ARHGAP45: variants seen among roughly 807,000 people sequenced by gnomAD.
The protein encoded by ARHGAP45 is rho GTPase-activating protein 45.
ARHGAP45 carries 56 observed loss-of-function variants against 116.1 expected under a neutral mutation model. That is an observed-to-expected ratio of 0.48 (90% confidence interval 0.39 to 0.60). ARHGAP45 has a LOEUF of 0.60. ARHGAP45 is among the 20% of genes least tolerant of loss of function. The pLI, the probability that ARHGAP45 is intolerant of heterozygous loss-of-function variation, is 0.00. For missense variants in ARHGAP45, 1,622 were observed against 1,601.0 expected (o/e 1.01, Z -0.22); for synonymous variants, 866 against 701.7 (o/e 1.23, Z -3.70).
At position 1,068,006 on chromosome 19, in the gene ARHGAP45, G is replaced by T. The variant is rs916952245; in HGVS notation, c.91-408G>T. On this transcript the variant is annotated intron_variant, in intron 1 of 22. Coordinates refer to ENST00000313093, the MANE Select transcript of ARHGAP45 (RefSeq NM_012292.5). This position sits in a 1 kb window ranked among gnomAD's most constrained non-coding sequence, Gnocchi z 7.5. Reference sequence around the variant, plus strand: ...GTCCGGGATGTCTACAAGGCCTGGGGCTGCCCATAGGCTCTGGGGTTCCAT... The same window carrying T: ...GTCCGGGATGTCTACAAGGCCTGGGTCTGCCCATAGGCTCTGGGGTTCCAT... Among the ~76,000 whole-genome samples, 1 of 151,956 alleles carries T rather than the reference G, an allele frequency of 6.6e-6. No homozygotes were observed. The highest frequency in any genetic ancestry group is 1.9e-4 in the East Asian group (1 of 5,166).
chr19:1,081,618 A>G lies in ARHGAP45; in HGVS notation c.2259A>G (p.Gln753=), dbSNP rs10404947. Residue 753 remains glutamine, a synonymous_variant, in exon 18 of 23, where the codon CAA becomes CAG. Coordinates refer to ENST00000313093, the MANE Select transcript of ARHGAP45 (RefSeq NM_012292.5). ...TACAGTGCGGGCACAAGAAGCTGCA[A>G]GGCCGCCTGCAGCTGTTCGGCCAGG... The part of the protein sequence containing the change: ...LAIQCGHKKL[Q]GRLQLFGQDF... The G allele has an allele frequency of 0.8, 1,241,230 of 1,559,454 alleles. 495,175 individuals are homozygous for G. The highest frequency in any genetic ancestry group is 0.86 in the Admixed American group (45,489 of 52,612).
Position 1,081,313 on chromosome 19 carries a change from C to G in ARHGAP45, c.2191-237C>G, listed in dbSNP as rs953968986. The G allele has an allele frequency of 3.3e-5, 21 of 639,776 alleles. No homozygotes were observed. In the Middle Eastern group the frequency reaches 2.1e-3, roughly 65 times the overall value. 39.6% of individuals were successfully genotyped at this position (639,776 alleles called of 1,614,324 possible). On this transcript the variant is annotated intron_variant, in intron 17 of 22. Transcript: ENST00000313093. ...AGTCCTGGGGCTGTGGCCAGAAGACCTGGAGGGCAAAGGCCCTGGAGCTGT... is the reference window on the plus strand; with the variant it reads ...AGTCCTGGGGCTGTGGCCAGAAGACGTGGAGGGCAAAGGCCCTGGAGCTGT...
chr19:1,074,252 G>A lies in ARHGAP45; in HGVS notation c.928+11G>A. The A allele has an allele frequency of 6.2e-7, 1 of 1,612,732 alleles. No homozygotes were observed. On this transcript the variant is annotated intron_variant, in intron 7 of 22. Transcript: ENST00000313093. ...AGCGGACGACGCTGGGTGAGAGCTG[G>A]TGTCCCAGCAGGGTGGGTCTGGAGG...
chr19:1,076,286 C>T lies in ARHGAP45; in HGVS notation c.1185+1407C>T, dbSNP rs554667487. 2.0e-5 allele frequency among the ~76,000 whole-genome samples: 3 copies of T among 152,184 alleles called. No individual in the cohort carries two copies. The South Asian group carries it at 6.2e-4, about 32-fold the overall frequency. ...CTCAGTTCTTAACCTTTGCTTAGTTCTTATCCTTTGCTTACTTTGTACTGG... is the reference window on the plus strand; with the variant it reads ...CTCAGTTCTTAACCTTTGCTTAGTTTTTATCCTTTGCTTACTTTGTACTGG... On this transcript the variant is annotated intron_variant, in intron 10 of 22. Coordinates refer to ENST00000313093, the MANE Select transcript of ARHGAP45 (RefSeq NM_012292.5).
chr19:1,067,122 C>A (rs1157921446), upstream of ARHGAP45: 38 of 1,107,718 alleles, frequency 3.4e-5, no homozygotes, highest in East Asian at 3.2e-4. Flanking sequence ...GCGGGGGGCG[C>A]GGCCCGGGGC....
chr19:1,070,294 G>C (rs1374522807), intron 2 of ARHGAP45, among the ~76,000 whole-genome samples: 3 of 149,500 alleles, frequency 2.0e-5, no homozygotes, highest in African/African-American at 4.9e-5. Context: ...ACCGTGCCCG[G>C]GCTTTTCTTT....
intron 10 of ARHGAP45, 169 bp from the exon 11 acceptor site, chr19:1,077,688 T>C: frequency 6.8e-7 from 1 of 1,473,536 alleles, no homozygotes; most frequent in Non-Finnish European, 9.0e-7. Flanking sequence ...GCCCGGCCAC[T>C]CCTCCTGTTT....
rs2043170869 is a variant in ARHGAP45 at position 1,073,145 on chromosome 19, G to A, written c.422-4G>A. On this transcript the variant is annotated splice_region_variant and splice_polypyrimidine_tract_variant and intron_variant, in intron 2 of 22. Transcript: ENST00000313093. ...CCACTGCTCACTCCGACTCTCCCCA[G>A]CAGACCTCCTTGAGGCCCGCCGCCC... 1.9e-6 allele frequency: 3 copies of A among 1,603,638 alleles called. No homozygotes were observed. Among genetic ancestry groups the A allele is most frequent in the Non-Finnish European group, 1.7e-6 (2 of 1,179,612 alleles).
rs781214049 is a variant in ARHGAP45, at chr19:1,073,559, C to G, written c.619C>G (p.Leu207Val). The change falls in exon 4 of 23, where the codon CTG (leucine) becomes GTG (valine). Residue 207 changes from leucine (L) to valine (V), a missense_variant. Physicochemically the swap from Leu to Val is conservative, Grantham distance 32 (BLOSUM62 1). This residue lies in a region of ARHGAP45 where 279 missense variants were observed against 311.9 expected (regional missense o/e 0.89). Transcript: ENST00000313093. ...DLEKQEFEKA[L>V]ETIAVAFSST... Reference sequence around the variant, plus strand: ...GGAGAAACAGGAGTTCGAGAAGGCCCTGGAGACGATTGCTGTGGCCTTCAG... The same window carrying G: ...GGAGAAACAGGAGTTCGAGAAGGCCGTGGAGACGATTGCTGTGGCCTTCAG... The G allele has an allele frequency of 3.7e-6, 6 of 1,613,886 alleles. No homozygotes were observed. In the Admixed American group the frequency reaches 1.0e-4, roughly 27 times the overall value.
At position 1,076,481 on chromosome 19, in the gene ARHGAP45, GTCTTTT is replaced by G. The variant is rs1200952250; in HGVS notation, c.1186-1374_1186-1369del. On this transcript the variant is annotated intron_variant, in intron 10 of 22. Transcript: ENST00000313093. Reference sequence around the variant, plus strand: ...TAGAAACCTGTGATTGTTGGCAGTAGTCTTTTTTTTTTTTTTTTTTTTTTTTTTTTT... The same window carrying G: ...TAGAAACCTGTGATTGTTGGCAGTAGTTTTTTTTTTTTTTTTTTTTTTTTT... Among the ~76,000 whole-genome samples, 98 of 104,176 alleles carry G rather than the reference GTCTTTT, an allele frequency of 9.4e-4. 4 individuals carry two copies. The highest frequency in any genetic ancestry group is 3.5e-3 in the African/African-American group (89 of 25,348). 68.3% of individuals were successfully genotyped at this position (104,176 alleles called of 152,430 possible). A position where few individuals can be genotyped will look rare whatever the true frequency, so the allele number is the denominator to read the frequency against.
intron 2 of ARHGAP45, among the ~76,000 whole-genome samples, chr19:1,072,362 C>T (rs529649720): frequency 6.6e-6 from 1 of 152,184 alleles, no homozygotes; most frequent in Non-Finnish European, 1.5e-5. Flanking sequence ...GCTTGGCCCT[C>T]TCTGCTTTTT....
chr19:1,086,518 A>G lies in ARHGAP45; in HGVS notation c.*512A>G. 1 of 152,844 alleles carries G rather than the reference A, an allele frequency of 6.5e-6. No individual in the cohort carries two copies. Among genetic ancestry groups the G allele is most frequent in the East Asian group, 1.9e-4 (1 of 5,338 alleles). The allele number at this position is 152,844 out of a possible 1,614,324, so 9.5% of individuals were successfully genotyped here. Reference sequence around the variant, plus strand: ...GGCCCTGGACTCCCTTTTCCAGAACACCAGGTGTGGCCACCTGGGGCTCAG... The same window carrying G: ...GGCCCTGGACTCCCTTTTCCAGAACGCCAGGTGTGGCCACCTGGGGCTCAG... On this transcript the variant is annotated 3_prime_UTR_variant, in exon 23 of 23. Transcript: ENST00000313093.
Position 1,080,292 on chromosome 19 carries a change from G to A in ARHGAP45, c.1741G>A (p.Val581Met), listed in dbSNP as rs1206729769. 6 of 1,612,428 alleles carry A rather than the reference G, an allele frequency of 3.7e-6. No individual in the cohort carries two copies. Among genetic ancestry groups the A allele is most frequent in the African/African-American group, 1.3e-5 (1 of 74,910 alleles). The change falls in exon 14 of 23, where the codon GTG (valine) becomes ATG (methionine). Residue 581 changes from valine to methionine, a missense_variant. Coordinates refer to ENST00000313093, the MANE Select transcript of ARHGAP45 (RefSeq NM_012292.5). ...GCGTGCCCGGAAGAGCAGCTTCAAC[G>A]TGAGTGATGTGGCGCGGCCGGAGGC... is the stretch of plus-strand genomic sequence containing the variant. ...VMRARKSSFN[V>M]SDVARPEAAG...
chr19:1,070,443 G>A (rs1426740626), intron 2 of ARHGAP45, among the ~76,000 whole-genome samples: 1 of 142,086 alleles, frequency 7.0e-6, no homozygotes, highest in African/African-American at 2.7e-5. Context: ...TGGTTCTTCT[G>A]CCTCAGCCTC....
At position 1,073,933 on chromosome 19, in the gene ARHGAP45, G is replaced by C; in HGVS notation, c.724-15G>C. ...CCCGCATGGGGCTGGTCTCACCTGC[G>C]TCTCCGTCCTACAGTCCATGGAAAG... is the stretch of plus-strand genomic sequence containing the variant. On this transcript the variant is annotated splice_polypyrimidine_tract_variant and intron_variant, in intron 5 of 22. Transcript: ENST00000313093. 6.5e-7 allele frequency: 1 copy of C among 1,549,282 alleles called. No homozygotes were observed. The highest frequency in any genetic ancestry group is 8.7e-7 in the Non-Finnish European group (1 of 1,146,982).
At chr19:1,073,348 G>A in intron 3 of ARHGAP45, 56 bp downstream of exon 3, 1 of 1,600,806 alleles carries the variant, frequency 6.2e-7, no homozygotes, top group Non-Finnish European at 8.5e-7. Context: ...GCATCCTGGA[G>A]GAGGGGATGT....
rs918382275 is a variant in ARHGAP45 at position 1,068,537 on chromosome 19, G to A, written c.214G>A (p.Ala72Thr). The change falls in exon 2 of 23, where the codon GCC (alanine) becomes ACC (threonine). Residue 72 changes from alanine (A) to threonine (T), a missense_variant. This residue lies in a region of ARHGAP45 where 279 missense variants were observed against 311.9 expected (regional missense o/e 0.89). Transcript: ENST00000313093. This position sits in a 1 kb window ranked among gnomAD's most constrained non-coding sequence, Gnocchi z 7.5. ...LKRPTSLSRH[A>T]SAAGFPLSGA... ...GCGGCCCACCAGCCTGAGCCGCCAC[G>A]CCAGCGCGGCTGGCTTCCCCCTGTC... 1.1e-5 allele frequency: 18 copies of A among 1,607,610 alleles called. No individual in the cohort carries two copies. The highest frequency in any genetic ancestry group is 6.7e-5 in the African/African-American group (5 of 74,784).
Position 1,074,151 on chromosome 19 carries a change from G to C in ARHGAP45, c.838G>C (p.Gly280Arg), listed in dbSNP as rs747595275. 5.6e-6 allele frequency: 9 copies of C among 1,613,310 alleles called. No homozygotes were observed. The East Asian group carries it at 1.6e-4, about 28-fold the overall frequency. ...EVDVLLQRCE[G>R]GVDAALLYAK... ...GGACGTGCTGCTACAGCGCTGTGAG[G>C]GGGGCGTGGATGCCGCACTGCTGTA... The change falls in exon 7 of 23, where the codon GGG (glycine) becomes CGG (arginine). Residue 280 changes from glycine to arginine, a missense_variant. Coordinates refer to ENST00000313093, the MANE Select transcript of ARHGAP45 (RefSeq NM_012292.5).
rs750552870 is a variant in ARHGAP45, at chr19:1,074,828, G to A, written c.1134G>A (p.Glu378=). The A allele has an allele frequency of 6.2e-6, 9 of 1,462,708 alleles. No homozygotes were observed. The African/African-American group carries it at 1.1e-4, about 19-fold the overall frequency. 90.6% of individuals were successfully genotyped at this position (1,462,708 alleles called of 1,614,324 possible). ...TGACCCTGCGGCGGCTTGAACACGA[G>A]AAGCGCAGGAAGGAGATCAAGGAGG... The part of the protein sequence containing the change: ...QPLTLRRLEH[E]KRRKEIKEAW... Residue 378 remains glutamate, a synonymous_variant, in exon 10 of 23, where the codon GAG becomes GAA. Coordinates refer to ENST00000313093, the MANE Select transcript of ARHGAP45 (RefSeq NM_012292.5).
Sources: allele counts gnomAD v4.1 joint callset (sites outside exome capture counted in the v4.1 genomes callset), GRCh38; gene constraint gnomAD v4.1.1; regional missense constraint gnomAD v4.1.1; non-coding constraint Gnocchi (gnomAD v3.1); transcripts MANE v1.5; gene names NCBI Gene and HGNC (gene_info 2026-07-23, HGNC 2026-07-21).